Variants in RFX3 observed in about 807,000 individuals in gnomAD.
RFX3 encodes the protein regulatory factor X3, also known as transcription factor RFX3.
RFX3 carries 14 observed loss-of-function variants against 98.6 expected under a neutral mutation model. The observed-to-expected ratio is 0.14, with a 90% confidence interval of 0.09 to 0.22. The LOEUF (loss-of-function observed/expected upper bound fraction) is 0.22, where lower values mean the gene tolerates loss of function less well. Among genes scored for constraint, RFX3 ranks in the 10% least tolerant of loss-of-function variants. RFX3 has a pLI of 1.00. For missense variants in RFX3, 639 were observed against 926.9 expected, an observed-to-expected ratio of 0.69 and a Z score of 4.03; for synonymous variants, 383 against 328.4, an observed-to-expected ratio of 1.17 and a Z score of -1.80.
At chr9:3,262,756 C>T (rs899560906) in intron 13 of RFX3, among the ~76,000 whole-genome samples, 179 bp downstream of exon 13, 2 of 152,164 alleles carry the variant, frequency 1.3e-5, no homozygotes, top group Admixed American at 6.6e-5. Flanking sequence ...CTTACTTTAA[C>T]CACAAACATG....
At chr9:3,523,295 A>G (rs965528523) in intron 1 of RFX3, among the ~76,000 whole-genome samples, 2 of 152,188 alleles carry the variant, frequency 1.3e-5, no homozygotes, top group Admixed American at 6.5e-5. Flanking sequence ...TCAATACATA[A>G]CATAGTCCCT....
chr9:3,420,377 G>C (rs893125708), intron 1 of RFX3, among the ~76,000 whole-genome samples: 3 of 152,164 alleles, frequency 2.0e-5, no homozygotes, highest in African/African-American at 7.2e-5. Flanking sequence ...TAGTTGTGAA[G>C]ACCAATTGCA....
chr9:3,486,426 CTAATTT>C (rs1423042322), intron 1 of RFX3, among the ~76,000 whole-genome samples: 1 of 152,064 alleles, frequency 6.6e-6, no homozygotes, highest in African/African-American at 2.4e-5. Flanking sequence ...AATTTGAAAA[CTAATTT>C]TAAGTTCTTT....
At chr9:3,501,812 C>T (rs1331291632) in intron 1 of RFX3, among the ~76,000 whole-genome samples, 2 of 151,756 alleles carry the variant, frequency 1.3e-5, no homozygotes, top group Admixed American at 6.6e-5. Flanking sequence ...CCATCTCAGC[C>T]TCCCAAAGTG....
At chr9:3,370,504 T>C in intron 2 of RFX3, among the ~76,000 whole-genome samples, 1 of 151,514 alleles carries the variant, frequency 6.6e-6, no homozygotes, top group East Asian at 1.9e-4. Context: ...ATTATATATA[T>C]ATATAATCTG....
chr9:3,523,336 A>G (rs577708722), intron 1 of RFX3, among the ~76,000 whole-genome samples: 2 of 152,228 alleles, frequency 1.3e-5, no homozygotes, highest in Non-Finnish European at 2.9e-5. Flanking sequence ...AGAATAAAGT[A>G]AATGCTAAGT....
chr9:3,303,938 G>A (rs186438263), intron 4 of RFX3, among the ~76,000 whole-genome samples: 2 of 151,966 alleles, frequency 1.3e-5, no homozygotes, highest in Non-Finnish European at 2.9e-5. Context: ...TTGGCTTTAG[G>A]AATCTTCTGC....
intron 1 of RFX3, among the ~76,000 whole-genome samples, chr9:3,516,971 G>A (rs1818244631): frequency 6.6e-6 from 1 of 152,238 alleles, no homozygotes; most frequent in Admixed American, 6.5e-5. Flanking sequence ...CATTGAAATG[G>A]TGGAACCTTC....
chr9:3,385,052 A>G (rs76550179), intron 2 of RFX3, among the ~76,000 whole-genome samples: 6,514 of 152,280 alleles, frequency 0.043, 486 homozygotes, highest in African/African-American at 0.15. Context: ...ACTGATGACA[A>G]ACAGACTCAG....
intron 1 of RFX3, among the ~76,000 whole-genome samples, chr9:3,473,657 G>T (rs1479084230): frequency 2.0e-5 from 3 of 152,080 alleles, no homozygotes; most frequent in Non-Finnish European, 2.9e-5. Flanking sequence ...TCTCTAGCAT[G>T]CCCCTCAACA....
chr9:3,294,266 T>C (rs555986121), intron 5 of RFX3, among the ~76,000 whole-genome samples: 20 of 152,288 alleles, frequency 1.3e-4, no homozygotes, highest in African/African-American at 4.8e-4. Flanking sequence ...TCCAGACCAA[T>C]GTTTCACAAA....
intron 2 of RFX3, among the ~76,000 whole-genome samples, chr9:3,356,783 T>TA (rs1835822258): frequency 6.6e-6 from 1 of 151,806 alleles, no homozygotes. Context: ...TAAATCATAA[T>TA]CAGGTAGGAT....
chr9:3,389,280 A>G (rs1400693537), intron 2 of RFX3, among the ~76,000 whole-genome samples: 3 of 152,154 alleles, frequency 2.0e-5, no homozygotes, highest in Non-Finnish European at 4.4e-5. Context: ...TGAAAAACAA[A>G]GAATAATCTA....
At chr9:3,504,906 AT>A (rs1215132398) in intron 1 of RFX3, among the ~76,000 whole-genome samples, 7 of 24,452 alleles carry the variant, frequency 2.9e-4, no homozygotes, top group South Asian at 1.9e-3. Context: ...TATATTATAT[AT>A]ATATATAATA....
chr9:3,342,574 G>A (rs1834007954), intron 3 of RFX3, among the ~76,000 whole-genome samples: 2 of 152,034 alleles, frequency 1.3e-5, no homozygotes. Context: ...AATACAGCAT[G>A]ATGTCTCTGT....
intron 1 of RFX3, among the ~76,000 whole-genome samples, chr9:3,408,720 C>G (rs577475195): frequency 6.6e-6 from 1 of 152,116 alleles, no homozygotes; most frequent in African/African-American, 2.4e-5. Context: ...CACATGCACA[C>G]GCAAATAAAC....
intron 1 of RFX3, among the ~76,000 whole-genome samples, chr9:3,461,601 A>G (rs904756387): frequency 1.3e-5 from 2 of 152,026 alleles, no homozygotes; most frequent in Non-Finnish European, 2.9e-5. Flanking sequence ...TTAATGTAAC[A>G]TAACAATTAC....
At chr9:3,472,443 CAT>C (rs1258158677) in intron 1 of RFX3, among the ~76,000 whole-genome samples, 1 of 152,122 alleles carries the variant, frequency 6.6e-6, no homozygotes, top group Non-Finnish European at 1.5e-5. Flanking sequence ...GTCACTAGCT[CAT>C]AGTTATCATT....
chr9:3,321,321 G>A (rs1213895579), intron 4 of RFX3, among the ~76,000 whole-genome samples: 1 of 152,156 alleles, frequency 6.6e-6, no homozygotes, highest in African/African-American at 2.4e-5. Flanking sequence ...CTGAGTCAGA[G>A]GATATGTGTA....
Sources: allele counts gnomAD v4.1 joint callset (sites outside exome capture counted in the v4.1 genomes callset), GRCh38; gene constraint gnomAD v4.1.1; transcripts MANE v1.5; gene names NCBI Gene and HGNC (gene_info 2026-07-23, HGNC 2026-07-21).